The following CALCRL variants were observed in gnomAD, a reference collection of about 807,000 sequenced individuals.
The protein encoded by CALCRL is calcitonin gene-related peptide type 1 receptor.
CALCRL carries 27 observed loss-of-function variants against 60.4 expected under a neutral mutation model. The observed-to-expected ratio is 0.45, with a 90% CI of 0.33 to 0.62. The LOEUF (loss-of-function observed/expected upper bound fraction) is 0.62. Ranked by LOEUF, CALCRL falls within the 20% of genes least tolerant of loss-of-function variation. The probability of loss-of-function intolerance (pLI) is 0.03; values close to 1 mark genes in which losing one functional copy is unlikely to be tolerated. For synonymous variants in CALCRL, 190 were observed against 182.6 expected, an observed-to-expected ratio of 1.04 and a Z score of -0.33; for missense variants, 424 against 540.7, an observed-to-expected ratio of 0.78 and a Z score of 2.14.
intron 8 of CALCRL, among the ~76,000 whole-genome samples, chr2:187,374,178 A>G (rs1294241904): frequency 6.6e-6 from 1 of 151,904 alleles, no homozygotes; most frequent in Non-Finnish European, 1.5e-5. Flanking sequence ...TAAAACAAGA[A>G]AGAAAGAAAG....
intron 1 of CALCRL, among the ~76,000 whole-genome samples, chr2:187,404,351 A>T (rs1437080809): frequency 6.6e-6 from 1 of 151,958 alleles, no homozygotes; most frequent in Non-Finnish European, 1.5e-5. Context: ...AAAAACATCT[A>T]GTGAAAAATC....
intron 1 of CALCRL, among the ~76,000 whole-genome samples, chr2:187,398,722 ATTG>A (rs1236921585): frequency 1.3e-5 from 2 of 151,534 alleles, no homozygotes; most frequent in Admixed American, 6.6e-5. Flanking sequence ...GGACATTTGT[ATTG>A]TTGTTATTAG....
chr2:187,401,999 G>A (rs1276176089), intron 1 of CALCRL, among the ~76,000 whole-genome samples: 1 of 151,180 alleles, frequency 6.6e-6, no homozygotes, highest in Non-Finnish European at 1.5e-5. Flanking sequence ...AGGGAAAGAA[G>A]GAAGGAAGGC....
At chr2:187,370,114 T>TC (rs1687458178) in intron 8 of CALCRL, among the ~76,000 whole-genome samples, 1 of 152,208 alleles carries the variant, frequency 6.6e-6, no homozygotes, top group African/African-American at 2.4e-5. Flanking sequence ...TTTAAATTAT[T>TC]CCCATCTCTT....
chr2:187,366,251 A>T, intron 8 of CALCRL, among the ~76,000 whole-genome samples: 1 of 70,938 alleles, frequency 1.4e-5, no homozygotes. Context: ...CTCCGTCTCA[A>T]AAAAAAAAAA....
intron 1 of CALCRL, among the ~76,000 whole-genome samples, chr2:187,404,726 A>G (rs1250059144): frequency 6.6e-6 from 1 of 151,856 alleles, no homozygotes; most frequent in South Asian, 2.1e-4. Flanking sequence ...CGACGAAAGT[A>G]AGTAAAAAAG....
At position 187,358,528 on chromosome 2, in the gene CALCRL, C is replaced by G. The variant is rs1033677814; in HGVS notation, c.909+535G>C. ...TCTTATTTGTCACCTCCCACCCCCC[C>G]CTGCTAGATTCATCCTCTATTCCTC... On this transcript the variant is annotated intron_variant, in intron 12 of 14. Transcript: ENST00000392370. Among the ~76,000 whole-genome samples the G allele has an allele frequency of 7.3e-5, 11 of 150,046 alleles. No individual in the cohort carries two copies. In the East Asian group the frequency reaches 1.4e-3, roughly 19 times the overall value.
At chr2:187,410,715 A>G (rs2105846686) in intron 1 of CALCRL, among the ~76,000 whole-genome samples, 1 of 152,198 alleles carries the variant, frequency 6.6e-6, no homozygotes, top group South Asian at 2.1e-4. Context: ...CCCACAGGGG[A>G]AGAATGTTAA....
In CALCRL at chr2:187,386,242, A is replaced by G. The variant is rs1266685600; in HGVS notation, c.-36-611T>C. On this transcript the variant is annotated intron_variant, in intron 3 of 14. Transcript: ENST00000392370. ...AATAGAGAGTTTTTCATGGACATAA[A>G]AAATTTTGATAGCATATTTTATTAT... Among the ~76,000 whole-genome samples the G allele has an allele frequency of 2.0e-5, 3 of 152,208 alleles. No homozygotes were observed. In the East Asian group the frequency reaches 5.8e-4, roughly 29 times the overall value.
chr2:187,352,364 C>A, intron 12 of CALCRL, 32 bp from the exon 13 acceptor site: 1 of 1,241,284 alleles, frequency 8.1e-7, no homozygotes, highest in South Asian at 1.2e-5. Flanking sequence ...ATCTGAAAAT[C>A]ATTTCATATT....
chr2:187,392,936 G>A (rs976754669), intron 1 of CALCRL, among the ~76,000 whole-genome samples: 8 of 152,052 alleles, frequency 5.3e-5, no homozygotes, highest in Non-Finnish European at 1.0e-4. Flanking sequence ...AGCTTGGAAT[G>A]TCACTCACAC....
chr2:187,354,754 C>A (rs1025308290), intron 12 of CALCRL, among the ~76,000 whole-genome samples: 1 of 152,002 alleles, frequency 6.6e-6, no homozygotes, highest in Non-Finnish European at 1.5e-5. Flanking sequence ...GGCTATATTC[C>A]TGTATTTCAT....
At chr2:187,378,208 G>T (rs1687845138) in intron 8 of CALCRL, among the ~76,000 whole-genome samples, 2 of 151,986 alleles carry the variant, frequency 1.3e-5, no homozygotes, top group Admixed American at 1.3e-4. Flanking sequence ...AGCAGAAGAT[G>T]ACTACAATGC....
intron 1 of CALCRL, among the ~76,000 whole-genome samples, chr2:187,409,901 A>C (rs1254354988): frequency 6.6e-6 from 1 of 152,144 alleles, no homozygotes; most frequent in Non-Finnish European, 1.5e-5. Context: ...TATGGAAAGG[A>C]ATGGAGGGCA....
At chr2:187,392,163 T>C (rs1315490802) in intron 1 of CALCRL, among the ~76,000 whole-genome samples, 3 of 152,174 alleles carry the variant, frequency 2.0e-5, no homozygotes, top group Admixed American at 6.6e-5. Context: ...TTTATAATAA[T>C]TCTTATTTTT....
At chr2:187,413,962 C>T (rs1689475660) in intron 1 of CALCRL, among the ~76,000 whole-genome samples, 1 of 152,000 alleles carries the variant, frequency 6.6e-6, no homozygotes, top group South Asian at 2.1e-4. Context: ...TCAATATCTA[C>T]ATAAATAAAA....
intron 1 of CALCRL, among the ~76,000 whole-genome samples, chr2:187,439,807 C>G (rs1690811128): frequency 2.6e-5 from 4 of 152,078 alleles, no homozygotes; most frequent in Admixed American, 2.0e-4. Flanking sequence ...GCGTCTCTTT[C>G]TTTAAATTGG....
In CALCRL at chr2:187,343,409, C is replaced by T. The variant is rs969434447; in HGVS notation, c.*2775G>A. 4.6e-5 allele frequency: 7 copies of T among 151,614 alleles called. No individual in the cohort carries two copies. Among genetic ancestry groups the T allele is most frequent in the Non-Finnish European group, 1.0e-4 (7 of 67,454 alleles). 9.4% of individuals were successfully genotyped at this position (151,614 alleles called of 1,614,324 possible). ...ATCTTGAATATATTTTTACAGATAA[C>T]TAGTGGTTTCTACTAGCAGATTAAA... On this transcript the variant is annotated 3_prime_UTR_variant, in exon 15 of 15. Coordinates refer to ENST00000392370, the MANE Select transcript of CALCRL (RefSeq NM_005795.6).
chr2:187,441,583 T>C lies in CALCRL; in HGVS notation c.-293+6456A>G, dbSNP rs75271696. Among the ~76,000 whole-genome samples, 494 of 152,026 alleles carry C rather than the reference T, an allele frequency of 3.2e-3. 3 individuals are homozygous for C. The highest frequency in any genetic ancestry group is 0.011 in the African/African-American group (467 of 41,482). On this transcript the variant is annotated intron_variant, in intron 1 of 14. Coordinates refer to ENST00000392370, the MANE Select transcript of CALCRL (RefSeq NM_005795.6). Reference sequence around the variant, plus strand: ...TGAGGTACTTCTATGGACCATATTGTTTAATCCTAGTATCCCCTAAAGGAA... The same window carrying C: ...TGAGGTACTTCTATGGACCATATTGCTTAATCCTAGTATCCCCTAAAGGAA...
Sources: allele counts gnomAD v4.1 joint callset (sites outside exome capture counted in the v4.1 genomes callset), GRCh38; gene constraint gnomAD v4.1.1; transcripts MANE v1.5; gene names NCBI Gene and HGNC (gene_info 2026-07-23, HGNC 2026-07-21).